The following SV2C variants were observed in gnomAD, a reference collection of about 807,000 sequenced individuals.
SV2C encodes the protein synaptic vesicle glycoprotein 2C.
In SV2C, 49 loss-of-function variants were observed where a neutral mutation model predicts 79.7. That is an observed-to-expected ratio of 0.61 (90% CI 0.49 to 0.78). SV2C has a LOEUF of 0.78. Among genes scored for constraint, SV2C ranks in the 30% least tolerant of loss-of-function variants. SV2C has a pLI of 0.00. For missense variants in SV2C, 833 were observed against 912.9 expected (o/e 0.91, Z 1.13); for synonymous variants, 334 against 333.2 (o/e 1.00, Z -0.03).
intron 4 of SV2C, among the ~76,000 whole-genome samples, chr5:76,244,515 C>T (rs1287109219): frequency 6.6e-6 from 1 of 152,178 alleles, no homozygotes; most frequent in Non-Finnish European, 1.5e-5. Context: ...TTTAACCCAA[C>T]AAATATCCAA....
chr5:76,021,835 T>C, the SV2C span, among the ~76,000 whole-genome samples: 1 of 152,202 alleles, frequency 6.6e-6, no homozygotes, highest in Non-Finnish European at 1.5e-5. Context: ...GCTTGGGATA[T>C]TGAGTCACTA....
the SV2C span, among the ~76,000 whole-genome samples, chr5:75,949,609 T>C: frequency 1.3e-5 from 2 of 152,008 alleles, no homozygotes; most frequent in Admixed American, 6.6e-5. Flanking sequence ...GGTGAATATG[T>C]CTCACCAGAT....
intron 2 of SV2C, among the ~76,000 whole-genome samples, chr5:76,171,974 G>T (rs1370562837): frequency 7.6e-6 from 1 of 131,338 alleles, no homozygotes; most frequent in South Asian, 2.6e-4. Flanking sequence ...CGCCCCGTCC[G>T]GGAGGGAGGT....
chr5:76,122,904 C>A (rs918684686), intron 1 of SV2C, among the ~76,000 whole-genome samples: 1 of 151,882 alleles, frequency 6.6e-6, no homozygotes, highest in Non-Finnish European at 1.5e-5. Flanking sequence ...ACAAAAAAAA[C>A]CCTTCAAAAA....
intron 11 of SV2C, 144 bp from the exon 12 acceptor site, chr5:76,301,242 T>G (rs1214984622): frequency 3.8e-6 from 4 of 1,054,386 alleles, no homozygotes. Context: ...TTCAGGTGAA[T>G]GCACCAGTTC....
At chr5:75,893,319 T>A in the SV2C span, among the ~76,000 whole-genome samples, 1 of 152,022 alleles carries the variant, frequency 6.6e-6, no homozygotes. Flanking sequence ...AGATTCTGGA[T>A]ATATGCAAAT....
intron 12 of SV2C, among the ~76,000 whole-genome samples, chr5:76,343,896 C>T (rs1749489058): frequency 6.6e-6 from 1 of 152,202 alleles, no homozygotes; most frequent in African/African-American, 2.4e-5. Flanking sequence ...TGGCACATTC[C>T]TGTAGTCCCA....
chr5:76,272,971 T>C (rs115139086), intron 4 of SV2C, among the ~76,000 whole-genome samples: 3,302 of 152,038 alleles, frequency 0.022, 117 homozygotes, highest in African/African-American at 0.074. Flanking sequence ...GGAAACTTAA[T>C]GTGTGCCTAT....
At chr5:76,292,196 G>A (rs990675262) in intron 8 of SV2C, among the ~76,000 whole-genome samples, 2 of 151,918 alleles carry the variant, frequency 1.3e-5, no homozygotes, top group Non-Finnish European at 2.9e-5. Context: ...TTCCCATCTC[G>A]GGCCTTTGCG....
the SV2C span, among the ~76,000 whole-genome samples, chr5:75,858,266 A>G: frequency 6.6e-6 from 1 of 152,054 alleles, no homozygotes; most frequent in Non-Finnish European, 1.5e-5. Flanking sequence ...TTTTGTGTTG[A>G]GGTATGTTCC....
rs1393223 is a variant in SV2C, at chr5:76,246,111, T to G, written c.913+36224T>G. 3.2e-3 allele frequency among the ~76,000 whole-genome samples: 489 copies of G among 152,242 alleles called. 4 individuals are homozygous for G. In the Middle Eastern group the frequency reaches 0.034, roughly 11 times the overall value. On this transcript the variant is annotated intron_variant, in intron 4 of 12. Coordinates refer to ENST00000502798, the MANE Select transcript of SV2C (RefSeq NM_014979.4). The stretch of plus-strand genomic sequence containing the variant: ...AAATGTCAAGTTCCTAGCCCTGTGA[T>G]TTCATCCTGAGGACTCCTGGGAGTT...
chr5:76,268,926 A>T (rs543028792), intron 4 of SV2C, among the ~76,000 whole-genome samples: 2 of 152,362 alleles, frequency 1.3e-5, no homozygotes, highest in Middle Eastern at 6.8e-3. Flanking sequence ...AACAAAACAC[A>T]TTCATGCAGG....
At chr5:76,245,872 C>T (rs931396698) in intron 4 of SV2C, among the ~76,000 whole-genome samples, 9 of 151,242 alleles carry the variant, frequency 6.0e-5, no homozygotes, top group African/African-American at 2.2e-4. Flanking sequence ...GCAGTATAAA[C>T]TAAAACAGGA....
chr5:75,862,170 T>C, the SV2C span, among the ~76,000 whole-genome samples: 5 of 152,208 alleles, frequency 3.3e-5, no homozygotes, highest in Non-Finnish European at 7.3e-5. Context: ...AAATTACTAA[T>C]TTGAGACTCC....
At chr5:75,882,240 G>A in the SV2C span, among the ~76,000 whole-genome samples, 1 of 151,712 alleles carries the variant, frequency 6.6e-6, no homozygotes. Context: ...GTTCATCGAG[G>A]AAATAAAAGA....
chr5:76,149,576 G>T (rs1749538070), intron 2 of SV2C, among the ~76,000 whole-genome samples: 1 of 152,168 alleles, frequency 6.6e-6, no homozygotes, highest in Non-Finnish European at 1.5e-5. Flanking sequence ...TCAGAGGTGG[G>T]GATATAAGTG....
chr5:76,237,572 G>A (rs73766735), intron 4 of SV2C, among the ~76,000 whole-genome samples: 10,697 of 152,166 alleles, frequency 0.07, 1,211 homozygotes, highest in African/African-American at 0.24. Flanking sequence ...TTTTGGTGAA[G>A]TATAATCTTT....
At chr5:76,286,044 A>C in intron 6 of SV2C, 174 bp downstream of exon 6, 1 of 551,348 alleles carries the variant, frequency 1.8e-6, no homozygotes, top group Non-Finnish European at 3.1e-6. Context: ...AAATGGGATG[A>C]CTGTGTGTCA....
the SV2C span, among the ~76,000 whole-genome samples, chr5:75,851,514 T>C: frequency 6.6e-6 from 1 of 152,200 alleles, no homozygotes; most frequent in Admixed American, 6.5e-5. Context: ...CAACATACAA[T>C]TCATATGTAC....
Sources: allele counts gnomAD v4.1 joint callset (sites outside exome capture counted in the v4.1 genomes callset), GRCh38; gene constraint gnomAD v4.1.1; transcripts MANE v1.5; gene names NCBI Gene and HGNC (gene_info 2026-07-23, HGNC 2026-07-21).